TPD52L1: variants seen among roughly 807,000 people sequenced by gnomAD.
The protein encoded by TPD52L1 is tumor protein D53.
TPD52L1 carries 18 observed loss-of-function variants against 28.7 expected under a neutral mutation model. The observed-to-expected ratio is 0.63, with a 90% CI of 0.43 to 0.93. The LOEUF is 0.93. TPD52L1 is among the 40% of genes least tolerant of loss of function. TPD52L1 has a pLI of 0.00. For synonymous variants in TPD52L1, 75 were observed against 88.8 expected, an observed-to-expected ratio of 0.84 and a Z score of 0.88; for missense variants, 203 against 254.8, an observed-to-expected ratio of 0.80 and a Z score of 1.39.
At chr6:125,202,828 C>T (rs553681924) in intron 1 of TPD52L1, among the ~76,000 whole-genome samples, 97 of 143,070 alleles carry the variant, frequency 6.8e-4, no homozygotes, top group South Asian at 3.1e-3. Context: ...TGCAGTGGCC[C>T]AATCTCAGCT....
At chr6:125,158,316 A>T (rs541228907) in intron 1 of TPD52L1, among the ~76,000 whole-genome samples, 103 of 152,342 alleles carry the variant, frequency 6.8e-4, no homozygotes, top group African/African-American at 2.4e-3. Context: ...TAAATATCAG[A>T]TTAACCCTAC....
At chr6:125,206,642 C>A (rs181419071) in intron 1 of TPD52L1, among the ~76,000 whole-genome samples, 2 of 152,282 alleles carry the variant, frequency 1.3e-5, no homozygotes, top group East Asian at 3.9e-4. Context: ...GTGGAATCAC[C>A]ACTTACAGCC....
intron 2 of TPD52L1, 184 bp from the exon 3 acceptor site, chr6:125,228,934 G>T: frequency 2.3e-6 from 1 of 426,636 alleles, no homozygotes; most frequent in Non-Finnish European, 4.1e-6. Context: ...TCATTAAAAT[G>T]AAAAATTCTG....
At chr6:125,179,287 C>A (rs1168906109) in intron 1 of TPD52L1, among the ~76,000 whole-genome samples, 2 of 152,354 alleles carry the variant, frequency 1.3e-5, no homozygotes, top group Non-Finnish European at 2.9e-5. Flanking sequence ...CTGTGTCCTG[C>A]AGAACACAAT....
chr6:125,214,351 C>A, intron 1 of TPD52L1: 1 of 569,198 alleles, frequency 1.8e-6, no homozygotes, highest in Non-Finnish European at 2.2e-6. Flanking sequence ...TGGGCCAATG[C>A]CCAGAGAGAA....
At chr6:125,240,420 T>G (rs746085527) in intron 3 of TPD52L1, among the ~76,000 whole-genome samples, 2 of 152,188 alleles carry the variant, frequency 1.3e-5, no homozygotes, top group Non-Finnish European at 2.9e-5. Flanking sequence ...ATTGGCAGTA[T>G]GGTCATTTTT....
chr6:125,165,092 A>ATATATATATATTTATT lies in TPD52L1; in HGVS notation c.19+11129_19+11130insATATTTATTTATATAT. ...CCTGTCTCTTAAAAAAAAGATATAT[A>ATATATATATATTTATT]TATATATTTTAACTGTATATATATA... On this transcript the variant is annotated intron_variant, in intron 1 of 6. Coordinates refer to ENST00000534000, the MANE Select transcript of TPD52L1 (RefSeq NM_003287.4). 2.6e-4 allele frequency among the ~76,000 whole-genome samples: 27 copies of ATATATATATATTTATT among 104,200 alleles called. 4 individuals carry two copies. The highest frequency in any genetic ancestry group is 1.7e-3 in the South Asian group (6 of 3,540). 68.4% of individuals were successfully genotyped at this position (104,200 alleles called of 152,430 possible). A position where few individuals can be genotyped will look rare whatever the true frequency, so the allele number is the denominator to read the frequency against.
intron 1 of TPD52L1, among the ~76,000 whole-genome samples, chr6:125,155,347 G>A (rs1365145884): frequency 6.6e-6 from 1 of 152,234 alleles, no homozygotes; most frequent in East Asian, 1.9e-4. Context: ...AGTCAAACTG[G>A]AATCTTTGGA....
intron 4 of TPD52L1, among the ~76,000 whole-genome samples, chr6:125,249,583 T>C (rs1309496450): frequency 6.7e-6 from 1 of 149,762 alleles, no homozygotes; most frequent in East Asian, 2.0e-4. Context: ...TCCCAGCTGC[T>C]GAGGAGGCTG....
At chr6:125,216,142 A>G (rs934536860) in intron 1 of TPD52L1, among the ~76,000 whole-genome samples, 1 of 152,112 alleles carries the variant, frequency 6.6e-6, no homozygotes, top group Admixed American at 6.6e-5. Flanking sequence ...TAAAATGTTA[A>G]ATGACCTGTA....
At chr6:125,188,051 A>G (rs1792765790) in intron 1 of TPD52L1, among the ~76,000 whole-genome samples, 1 of 152,156 alleles carries the variant, frequency 6.6e-6, no homozygotes, top group Non-Finnish European at 1.5e-5. Context: ...TATTGAGAAG[A>G]GGTCCTGGTT....
intron 1 of TPD52L1, among the ~76,000 whole-genome samples, chr6:125,174,536 G>C (rs765869172): frequency 1.3e-5 from 2 of 152,164 alleles, no homozygotes; most frequent in Non-Finnish European, 2.9e-5. Context: ...CCGAAATTTT[G>C]CTAATGAGAC....
At chr6:125,241,786 T>A (rs993164643) in intron 3 of TPD52L1, among the ~76,000 whole-genome samples, 1 of 152,076 alleles carries the variant, frequency 6.6e-6, no homozygotes, top group Non-Finnish European at 1.5e-5. Context: ...TTTGTTTCAT[T>A]TAACTTTTAT....
chr6:125,213,911 A>G (rs1179987045), intron 1 of TPD52L1, among the ~76,000 whole-genome samples: 2 of 152,196 alleles, frequency 1.3e-5, no homozygotes, highest in Non-Finnish European at 2.9e-5. Context: ...AGCTTAGTGA[A>G]TGGGCCATCA....
At position 125,263,665 on chromosome 6, in the gene TPD52L1, G is replaced by A. The variant is rs41285248; in HGVS notation, c.*703G>A. 1,857 of 152,662 alleles carry A rather than the reference G, an allele frequency of 0.012. 16 individuals carry two copies. Among genetic ancestry groups the A allele is most frequent in the Non-Finnish European group, 0.019 (1,285 of 68,028 alleles). 9.5% of individuals were successfully genotyped at this position (152,662 alleles called of 1,614,324 possible). On this transcript the variant is annotated 3_prime_UTR_variant, in exon 7 of 7. Coordinates refer to ENST00000534000, the MANE Select transcript of TPD52L1 (RefSeq NM_003287.4). ...GGCCAGGAGTTAAAGATCAGCCTGG[G>A]CAACACAGACCCTGTCTCTACAAAA... is the stretch of plus-strand genomic sequence containing the variant.
At chr6:125,261,530 A>C (rs1798056657) in intron 6 of TPD52L1, 1 of 152,112 alleles carries the variant, frequency 6.6e-6, no homozygotes, top group South Asian at 2.1e-4. Flanking sequence ...TGTGACTATT[A>C]ATAAGACTTG....
At chr6:125,186,099 G>A (rs542372094) in intron 1 of TPD52L1, among the ~76,000 whole-genome samples, 3 of 152,028 alleles carry the variant, frequency 2.0e-5, no homozygotes, top group East Asian at 1.9e-4. Flanking sequence ...TCACCATGTC[G>A]ATCAGGCTGG....
Position 125,220,213 on chromosome 6 carries a change from T to A in TPD52L1, c.135+20T>A, listed in dbSNP as rs1486048422. 1.4e-6 allele frequency: 2 copies of A among 1,473,736 alleles called. No individual in the cohort carries two copies. The highest frequency in any genetic ancestry group is 4.5e-5 in the East Asian group (2 of 44,218). 91.3% of individuals were successfully genotyped at this position (1,473,736 alleles called of 1,614,324 possible). A position where few individuals can be genotyped will look rare whatever the true frequency, so the allele number is the denominator to read the frequency against. ...GTTCAGGTATGTTTAGTAATCTTAT[T>A]GTTGCTATTTCTATCTCTGGATCTT... On this transcript the variant is annotated intron_variant, in intron 2 of 6. Transcript: ENST00000534000.
chr6:125,217,548 G>A (rs979512295), intron 1 of TPD52L1, among the ~76,000 whole-genome samples: 24 of 152,212 alleles, frequency 1.6e-4, no homozygotes, highest in African/African-American at 5.5e-4. Context: ...AGCTCAGGTG[G>A]TAATGCAAGC....
Sources: allele counts gnomAD v4.1 joint callset (sites outside exome capture counted in the v4.1 genomes callset), GRCh38; gene constraint gnomAD v4.1.1; transcripts MANE v1.5; gene names NCBI Gene and HGNC (gene_info 2026-07-23, HGNC 2026-07-21).